The following TMA16 variants were observed in gnomAD, a reference collection of about 807,000 sequenced individuals.
TMA16 encodes translation machinery associated 16 homolog.
Under a neutral mutation model 27.1 loss-of-function variants are expected in TMA16, and 26 were observed. The ratio of observed to expected loss-of-function variants is 0.96; its 90% CI spans 0.70 to 1.33. TMA16 has a LOEUF of 1.33. TMA16 is among the 40% of genes most tolerant of loss of function. The probability of loss-of-function intolerance (pLI) is 0.00; values close to 1 mark genes in which losing one functional copy is unlikely to be tolerated. For missense variants in TMA16, 233 were observed against 241.4 expected (o/e 0.97, Z 0.23); for synonymous variants, 71 against 81.9 (o/e 0.87, Z 0.72).
At chr4:163,512,725 G>C (rs1737815974) in intron 2 of TMA16, 97 bp from the exon 3 acceptor site, 5 of 776,592 alleles carry the variant, frequency 6.4e-6, no homozygotes, top group South Asian at 2.0e-5. Flanking sequence ...CTTTTAATTA[G>C]AGTTCTTTAG....
chr4:163,517,526 C>T (rs373129067), intron 6 of TMA16, 50 bp downstream of exon 6: 2 of 1,526,434 alleles, frequency 1.3e-6, no homozygotes, highest in East Asian at 2.3e-5. Flanking sequence ...AAGTACCTGA[C>T]AGGTGAACTT....
intron 1 of TMA16, among the ~76,000 whole-genome samples, chr4:163,495,182 T>C (rs1488013061): frequency 6.6e-6 from 1 of 152,214 alleles, no homozygotes; most frequent in African/African-American, 2.4e-5. Flanking sequence ...CTGGCCTGGG[T>C]AGACTCAGTA....
rs147373973 is a variant in TMA16 at position 163,517,949 on chromosome 4, G to A, written c.431+473G>A. Among the ~76,000 whole-genome samples the A allele has an allele frequency of 1.4e-3, 210 of 150,864 alleles. 1 individual carries two copies. The highest frequency in any genetic ancestry group is 6.8e-3 in the Middle Eastern group (2 of 294). ...CTCTTTTGTAAACTGGGAAACTACC[G>A]AGTAGGATTTCGATTTTTTAGGTTT... is the stretch of plus-strand genomic sequence containing the variant. On this transcript the variant is annotated intron_variant, in intron 6 of 6. Transcript: ENST00000358572.
chr4:163,506,692 A>G (rs1737722437), intron 1 of TMA16, among the ~76,000 whole-genome samples: 1 of 152,154 alleles, frequency 6.6e-6, no homozygotes, highest in South Asian at 2.1e-4. Context: ...TCTTAACTGT[A>G]ACAAATTTCT....
chr4:163,506,432 T>C (rs1737719218), intron 1 of TMA16, among the ~76,000 whole-genome samples: 1 of 152,220 alleles, frequency 6.6e-6, no homozygotes, highest in East Asian at 1.9e-4. Flanking sequence ...AAACCTGAGA[T>C]GTCTAGTTTG....
intron 2 of TMA16, among the ~76,000 whole-genome samples, chr4:163,509,006 C>A (rs1329612780): frequency 1.3e-5 from 2 of 152,116 alleles, no homozygotes; most frequent in East Asian, 3.8e-4. Flanking sequence ...AGACAATGTT[C>A]TAAATAGATT....
intron 2 of TMA16, among the ~76,000 whole-genome samples, chr4:163,509,658 A>G (rs1374058061): frequency 6.6e-6 from 1 of 152,226 alleles, no homozygotes; most frequent in East Asian, 1.9e-4. Flanking sequence ...TAACAATGCT[A>G]GAGTAAAAGT....
At chr4:163,510,380 C>T (rs1387358114) in intron 2 of TMA16, among the ~76,000 whole-genome samples, 2 of 152,184 alleles carry the variant, frequency 1.3e-5, no homozygotes, top group African/African-American at 2.4e-5. Context: ...TCTTCCCAGT[C>T]AGTCCTCACC....
intron 1 of TMA16, among the ~76,000 whole-genome samples, chr4:163,498,951 GTT>G (rs925320241): frequency 6.6e-6 from 1 of 152,162 alleles, no homozygotes; most frequent in Non-Finnish European, 1.5e-5. Context: ...AAGCCACTGT[GTT>G]TAGCCCTGAT....
chr4:163,500,924 A>G (rs555222101), intron 1 of TMA16, among the ~76,000 whole-genome samples: 6 of 152,338 alleles, frequency 3.9e-5, no homozygotes, highest in African/African-American at 1.4e-4. Flanking sequence ...GGCAAGTACT[A>G]TTGTATTTAA....
In TMA16 at chr4:163,520,042, C is replaced by G. The variant is rs1019892970; in HGVS notation, c.*528C>G. 16 of 603,680 alleles carry G rather than the reference C, an allele frequency of 2.7e-5. No individual in the cohort carries two copies. Among genetic ancestry groups the G allele is most frequent in the Non-Finnish European group, 3.9e-5 (13 of 330,552 alleles). The allele number at this position is 603,680 out of a possible 1,614,324, so 37.4% of individuals were successfully genotyped here. Reference sequence around the variant, plus strand: ...TTCTGGATTATAGATTATTATTTATCTTTTGAACCAGAGCTAAATGGTAAA... The same window carrying G: ...TTCTGGATTATAGATTATTATTTATGTTTTGAACCAGAGCTAAATGGTAAA... On this transcript the variant is annotated 3_prime_UTR_variant, in exon 7 of 7. Transcript: ENST00000358572.
chr4:163,511,978 T>C (rs1737806411), intron 2 of TMA16, among the ~76,000 whole-genome samples: 1 of 152,154 alleles, frequency 6.6e-6, no homozygotes, highest in Non-Finnish European at 1.5e-5. Context: ...CTCCTATGGC[T>C]AAGATTTTTC....
At chr4:163,504,635 T>C (rs1390032305) in intron 1 of TMA16, among the ~76,000 whole-genome samples, 2 of 152,150 alleles carry the variant, frequency 1.3e-5, no homozygotes, top group African/African-American at 4.8e-5. Context: ...ATAGATGGGA[T>C]TACAGGCATG....
intron 6 of TMA16, among the ~76,000 whole-genome samples, chr4:163,518,731 G>T (rs2061183017): frequency 6.6e-6 from 1 of 152,096 alleles, no homozygotes; most frequent in African/African-American, 2.4e-5. Flanking sequence ...TTGAGCTTAT[G>T]TATAGCATGT....
chr4:163,502,479 A>C (rs1737662234), intron 1 of TMA16, among the ~76,000 whole-genome samples: 9 of 152,168 alleles, frequency 5.9e-5, no homozygotes, highest in Admixed American at 5.9e-4. Flanking sequence ...GCTATTAAGG[A>C]AATAACACAC....
intron 2 of TMA16, among the ~76,000 whole-genome samples, chr4:163,512,171 T>C (rs551381148): frequency 6.6e-6 from 1 of 152,306 alleles, no homozygotes; most frequent in East Asian, 1.9e-4. Context: ...TTTATTGCCC[T>C]TAGATTTTAA....
intron 2 of TMA16, among the ~76,000 whole-genome samples, chr4:163,511,946 T>C (rs1325155722): frequency 6.6e-6 from 1 of 152,170 alleles, no homozygotes; most frequent in Non-Finnish European, 1.5e-5. Context: ...CCATGTATAC[T>C]TCCTGCTTTA....
chr4:163,495,065 C>G (rs1032372957), intron 1 of TMA16, among the ~76,000 whole-genome samples: 20 of 147,234 alleles, frequency 1.4e-4, no homozygotes, highest in African/African-American at 5.0e-4. Flanking sequence ...TGCCTAACTT[C>G]TCGCTAGTCA....
At chr4:163,497,229 T>C (rs1737566789) in intron 1 of TMA16, among the ~76,000 whole-genome samples, 1 of 152,192 alleles carries the variant, frequency 6.6e-6, no homozygotes, top group South Asian at 2.1e-4. Flanking sequence ...GCTTAATACA[T>C]CTCATAGAGA....
Sources: gnomAD v4.1 joint callset for allele counts (sites outside exome capture counted in the v4.1 genomes callset) on GRCh38, gnomAD v4.1.1 for gene constraint, MANE v1.5 for transcripts, NCBI Gene and HGNC (gene_info 2026-07-23, HGNC 2026-07-21) for gene names.